KCNN2: variants seen among roughly 807,000 people sequenced by gnomAD.
The protein encoded by KCNN2 is small conductance calcium-activated potassium channel protein 2.
Under a neutral mutation model 55.5 loss-of-function variants are expected in KCNN2, and 24 were observed. That is an observed-to-expected ratio of 0.43 (90% CI 0.31 to 0.61). The LOEUF (loss-of-function observed/expected upper bound fraction) is 0.61, where lower values mean the gene tolerates loss of function less well. KCNN2 is among the 20% of genes least tolerant of loss of function. KCNN2 has a pLI of 0.08. For synonymous variants in KCNN2, 431 were observed against 336.1 expected (o/e 1.28, Z -3.09); for missense variants, 754 against 853.6 (o/e 0.88, Z 1.45).
intron 1 of KCNN2, among the ~76,000 whole-genome samples, chr5:114,188,606 A>G (rs150173942): frequency 0.03 from 4,542 of 152,266 alleles, 234 homozygotes; most frequent in African/African-American, 0.1. Flanking sequence ...AGACTAATAA[A>G]AAAATTCAGC....
At chr5:114,304,349 C>T (rs1225159124) in intron 2 of KCNN2, among the ~76,000 whole-genome samples, 2 of 152,158 alleles carry the variant, frequency 1.3e-5, no homozygotes, top group African/African-American at 2.4e-5. Flanking sequence ...TCTTATCATG[C>T]AACTTCTTTA....
intron 1 of KCNN2, among the ~76,000 whole-genome samples, chr5:114,177,608 A>C (rs1441131188): frequency 7.0e-6 from 1 of 142,692 alleles, no homozygotes; most frequent in African/African-American, 2.6e-5. Flanking sequence ...AATACACCAT[A>C]CAAAACATTA....
intron 2 of KCNN2, among the ~76,000 whole-genome samples, chr5:114,265,210 C>CTT (rs1561546010): frequency 6.8e-6 from 1 of 147,326 alleles, no homozygotes; most frequent in Non-Finnish European, 1.5e-5. Context: ...AGAAAACTGA[C>CTT]CTCTTCTTCA....
At chr5:114,356,963 G>C (rs1757304517) in intron 2 of KCNN2, among the ~76,000 whole-genome samples, 1 of 152,034 alleles carries the variant, frequency 6.6e-6, no homozygotes, top group Non-Finnish European at 1.5e-5. Flanking sequence ...TAAGTTCAGA[G>C]TGGCGGTGTC....
intron 1 of KCNN2, among the ~76,000 whole-genome samples, chr5:114,123,074 A>C (rs1432797785): frequency 6.6e-6 from 1 of 152,212 alleles, no homozygotes; most frequent in Non-Finnish European, 1.5e-5. Flanking sequence ...GGACGGTAGA[A>C]AATGAATGAT....
At chr5:114,185,445 G>T (rs1753312176) in intron 1 of KCNN2, among the ~76,000 whole-genome samples, 2 of 152,226 alleles carry the variant, frequency 1.3e-5, no homozygotes, top group South Asian at 4.1e-4. Context: ...GGAGCCTCAG[G>T]AAGTTCATGA....
exon 1 of KCNN2, chr5:114,056,404 C>G (rs774921436): frequency 2.5e-6 from 1 of 398,674 alleles, no homozygotes; most frequent in Admixed American, 4.4e-5. Flanking sequence ...ACTCGATCTT[C>G]AGCTTTGTCC....
intron 1 of KCNN2, among the ~76,000 whole-genome samples, chr5:114,143,417 T>A (rs1397008532): frequency 6.6e-6 from 1 of 152,178 alleles, no homozygotes; most frequent in African/African-American, 2.4e-5. Context: ...AACAACGTGA[T>A]GCTAGACAAC....
intron 1 of KCNN2, among the ~76,000 whole-genome samples, chr5:114,218,309 T>C (rs535384046): frequency 6.6e-6 from 1 of 152,320 alleles, no homozygotes; most frequent in South Asian, 2.1e-4. Flanking sequence ...CTTTATTCGT[T>C]CATAATTGCC....
chr5:114,187,361 A>C (rs1753354510), intron 1 of KCNN2, among the ~76,000 whole-genome samples: 4 of 152,106 alleles, frequency 2.6e-5, no homozygotes, highest in Admixed American at 2.6e-4. Context: ...GGTGGGAGAG[A>C]GATAATCATC....
intron 1 of KCNN2, among the ~76,000 whole-genome samples, chr5:114,201,966 G>T (rs1753681347): frequency 6.6e-6 from 1 of 152,106 alleles, no homozygotes; most frequent in African/African-American, 2.4e-5. Context: ...TCCCTCCCAG[G>T]CAAGCAGCAT....
intron 2 of KCNN2, among the ~76,000 whole-genome samples, chr5:114,261,934 T>A (rs1168374455): frequency 1.3e-5 from 2 of 152,068 alleles, no homozygotes; most frequent in East Asian, 1.9e-4. Context: ...AACTGAACAA[T>A]CTGAAAACCT....
chr5:114,399,356 C>T (rs1318610115), intron 2 of KCNN2, among the ~76,000 whole-genome samples: 1 of 152,040 alleles, frequency 6.6e-6, no homozygotes, highest in Non-Finnish European at 1.5e-5. Context: ...TTGAGATGAT[C>T]ATGTGATTTC....
At chr5:114,111,990 AG>A (rs1182985087) in intron 1 of KCNN2, among the ~76,000 whole-genome samples, 1 of 152,222 alleles carries the variant, frequency 6.6e-6, no homozygotes, top group Non-Finnish European at 1.5e-5. Context: ...ATATACCTAA[AG>A]GATTATAAAT....
At chr5:114,280,676 A>G (rs3101089) in intron 2 of KCNN2, among the ~76,000 whole-genome samples, 136,472 of 152,170 alleles carry the variant, frequency 0.9, 61,597 homozygotes, top group Middle Eastern at 0.94. Context: ...TTCTTACCTG[A>G]CACTGCAGTA....
intron 1 of KCNN2, among the ~76,000 whole-genome samples, chr5:114,060,577 A>G (rs564293195): frequency 6.6e-6 from 1 of 152,346 alleles, no homozygotes; most frequent in East Asian, 1.9e-4. Flanking sequence ...CCCTTTCCTC[A>G]GACAGCTGAG....
chr5:114,420,461 T>G (rs1254607909), intron 3 of KCNN2, among the ~76,000 whole-genome samples: 1 of 152,196 alleles, frequency 6.6e-6, no homozygotes, highest in Non-Finnish European at 1.5e-5. Flanking sequence ...TTCTACCAAG[T>G]ATAGCCTATG....
At chr5:114,230,037 A>G (rs1337066157) in intron 2 of KCNN2, among the ~76,000 whole-genome samples, 1 of 152,206 alleles carries the variant, frequency 6.6e-6, no homozygotes, top group African/African-American at 2.4e-5. Context: ...AAGGTGAGAA[A>G]TGGCTCAAAC....
intron 1 of KCNN2, among the ~76,000 whole-genome samples, chr5:114,067,330 A>G (rs2112519914): frequency 1.3e-5 from 2 of 152,320 alleles, no homozygotes. Flanking sequence ...GATAAAATGC[A>G]GATTTCTGGT....
Sources: gnomAD v4.1 joint callset for allele counts (sites outside exome capture counted in the v4.1 genomes callset) on GRCh38, gnomAD v4.1.1 for gene constraint, MANE v1.5 for transcripts, NCBI Gene and HGNC (gene_info 2026-07-23, HGNC 2026-07-21) for gene names.